The following EPHA5 variants were observed in gnomAD, a reference collection of about 807,000 sequenced individuals.
The protein encoded by EPHA5 is ephrin type-A receptor 5.
Under a neutral mutation model 105.0 loss-of-function variants are expected in EPHA5, and 60 were observed. The ratio of observed to expected loss-of-function variants is 0.57; its 90% CI spans 0.46 to 0.71. EPHA5 has a LOEUF of 0.71. Among genes scored for constraint, EPHA5 ranks in the 30% least tolerant of loss-of-function variants. EPHA5 has a pLI of 0.00. For synonymous variants in EPHA5, 513 were observed against 449.1 expected (o/e 1.14, Z -1.80); for missense variants, 1,218 against 1,274.7 (o/e 0.96, Z 0.68).
intron 5 of EPHA5, among the ~76,000 whole-genome samples, chr4:65,431,227 C>T (rs1724942319): frequency 6.6e-6 from 1 of 152,020 alleles, no homozygotes. Context: ...GCCCTGCATG[C>T]TAAATGCAAA....
chr4:65,648,827 C>A (rs1299458074), intron 1 of EPHA5, among the ~76,000 whole-genome samples: 2 of 152,154 alleles, frequency 1.3e-5, no homozygotes. Flanking sequence ...CTCCATGGTC[C>A]CATTCAGCAC....
chr4:65,358,463 T>C (rs1352166259), intron 11 of EPHA5, among the ~76,000 whole-genome samples: 1 of 151,582 alleles, frequency 6.6e-6, no homozygotes, highest in African/African-American at 2.4e-5. Flanking sequence ...AGTATACTTA[T>C]CTTTGCAGCT....
intron 2 of EPHA5, among the ~76,000 whole-genome samples, chr4:65,616,898 T>A (rs990551054): frequency 1.3e-5 from 2 of 152,096 alleles, no homozygotes; most frequent in Non-Finnish European, 2.9e-5. Context: ...CTTCCTGGTT[T>A]ATCTATTTGC....
intron 2 of EPHA5, among the ~76,000 whole-genome samples, chr4:65,632,402 T>G (rs575601464): frequency 7.2e-6 from 1 of 139,410 alleles, no homozygotes; most frequent in African/African-American, 3.4e-5. Context: ...CACCATAATC[T>G]CTGTGCTTGG....
At chr4:65,650,559 C>CAAAAAAAAAAAAAAAAAAAAAAAAAAAAA (rs59357895) in intron 1 of EPHA5, among the ~76,000 whole-genome samples, 7 of 117,000 alleles carry the variant, frequency 6.0e-5, no homozygotes, top group African/African-American at 2.2e-4. Flanking sequence ...GACTCAGTCT[C>CAAAAAAAAAAAAAAAAAAAAAAAAAAAAA]AAAAAAAAAA....
intron 15 of EPHA5, among the ~76,000 whole-genome samples, chr4:65,333,593 A>T (rs1720887368): frequency 7.6e-6 from 1 of 131,088 alleles, no homozygotes; most frequent in African/African-American, 3.0e-5. Flanking sequence ...GATTCCCCTC[A>T]ATCTCCTTTG....
intron 3 of EPHA5, among the ~76,000 whole-genome samples, chr4:65,503,197 T>C (rs1258109849): frequency 6.6e-6 from 1 of 151,820 alleles, no homozygotes; most frequent in Admixed American, 6.6e-5. Flanking sequence ...GATGGGATCA[T>C]GGTATCCCAA....
At chr4:65,667,470 T>C (rs561872479) in intron 1 of EPHA5, among the ~76,000 whole-genome samples, 15 of 152,234 alleles carry the variant, frequency 9.9e-5, no homozygotes, top group African/African-American at 3.4e-4. Flanking sequence ...GTACATCTCA[T>C]TTTTGATTAG....
intron 3 of EPHA5, among the ~76,000 whole-genome samples, chr4:65,589,890 C>T (rs145067903): frequency 0.012 from 1,859 of 152,192 alleles, 38 homozygotes; most frequent in African/African-American, 0.042. Flanking sequence ...ATGACTTTTC[C>T]ACCCACAAAA....
chr4:65,491,980 T>C lies in EPHA5; in HGVS notation c.1067-1268A>G, dbSNP rs72641089. Among the ~76,000 whole-genome samples the C allele has an allele frequency of 6.1e-3, 936 of 152,252 alleles. 8 individuals are homozygous for C. Among genetic ancestry groups the C allele is most frequent in the Non-Finnish European group, 9.9e-3 (672 of 68,026 alleles). On this transcript the variant is annotated intron_variant, in intron 4 of 16. Coordinates refer to ENST00000613740, the MANE Select transcript of EPHA5 (RefSeq NM_001281766.3). ...ATTTGTTCCAGAGACAATTTGGACA[T>C]CTCTCCTTACAGAGAATAAAATGGA...
intron 5 of EPHA5, among the ~76,000 whole-genome samples, chr4:65,447,876 T>C (rs1726703656): frequency 6.6e-6 from 1 of 151,900 alleles, no homozygotes; most frequent in South Asian, 2.1e-4. Context: ...ACATGAAAGA[T>C]ATAATGAGAA....
intron 2 of EPHA5, among the ~76,000 whole-genome samples, chr4:65,628,347 A>G (rs1264048513): frequency 6.6e-6 from 1 of 152,092 alleles, no homozygotes; most frequent in East Asian, 1.9e-4. Flanking sequence ...ATGAACTTCA[A>G]TGTATGAATA....
At chr4:65,534,834 T>G (rs2149309576) in intron 3 of EPHA5, among the ~76,000 whole-genome samples, 1 of 152,358 alleles carries the variant, frequency 6.6e-6, no homozygotes, top group East Asian at 1.9e-4. Context: ...AATGGATATA[T>G]TATGTTCACT....
chr4:65,547,602 A>C (rs1308936833), intron 3 of EPHA5, among the ~76,000 whole-genome samples: 1 of 152,090 alleles, frequency 6.6e-6, no homozygotes, highest in Admixed American at 6.6e-5. Flanking sequence ...TGAAATAGGT[A>C]ATTCAGGCTA....
chr4:65,368,934 T>C (rs1431502520), intron 8 of EPHA5, among the ~76,000 whole-genome samples: 4 of 152,316 alleles, frequency 2.6e-5, no homozygotes, highest in Non-Finnish European at 4.4e-5. Context: ...TTTTTCCTTC[T>C]TCACGTTTTT....
chr4:65,475,473 T>C (rs1434334122), intron 5 of EPHA5, among the ~76,000 whole-genome samples: 1 of 152,024 alleles, frequency 6.6e-6, no homozygotes, highest in Non-Finnish European at 1.5e-5. Context: ...CTGGGTTCAG[T>C]GTTATACTAC....
At chr4:65,593,842 A>G (rs1030131418) in intron 3 of EPHA5, among the ~76,000 whole-genome samples, 6 of 152,216 alleles carry the variant, frequency 3.9e-5, no homozygotes, top group African/African-American at 9.6e-5. Flanking sequence ...TCAGAGATCA[A>G]TTTTAATGTT....
rs1454069540 is a variant in EPHA5, at chr4:65,634,794, T to A, written c.246+8569A>T. On this transcript the variant is annotated intron_variant, in intron 2 of 16. Transcript: ENST00000613740. ...ACTTTAATCTTTATTAGCCCCTTCA[T>A]GCTCAGTGTGGGCTTCTGTGCTAGT... 2.0e-5 allele frequency among the ~76,000 whole-genome samples: 3 copies of A among 152,218 alleles called. No homozygotes were observed. In the South Asian group the frequency reaches 6.2e-4, roughly 32 times the overall value.
chr4:65,422,342 C>T (rs1017458350), intron 5 of EPHA5, among the ~76,000 whole-genome samples: 1 of 152,046 alleles, frequency 6.6e-6, no homozygotes, highest in Non-Finnish European at 1.5e-5. Flanking sequence ...TTCACCACTG[C>T]AAGTATTATG....
Sources: allele counts gnomAD v4.1 joint callset (sites outside exome capture counted in the v4.1 genomes callset), GRCh38; gene constraint gnomAD v4.1.1; transcripts MANE v1.5; gene names NCBI Gene and HGNC (gene_info 2026-07-23, HGNC 2026-07-21).